The following NETO2 variants were observed in gnomAD, a reference collection of about 807,000 sequenced individuals.
NETO2 encodes the protein neuropilin and tolloid-like protein 2.
Under a neutral mutation model 62.5 loss-of-function variants are expected in NETO2, and 28 were observed. The ratio of observed to expected loss-of-function variants is 0.45; its 90% CI spans 0.33 to 0.61. The LOEUF (loss-of-function observed/expected upper bound fraction) is 0.61, where lower values mean the gene tolerates loss of function less well. Among genes scored for constraint, NETO2 ranks in the 20% least tolerant of loss-of-function variants. The pLI is 0.02. For synonymous variants in NETO2, 214 were observed against 219.1 expected (o/e 0.98, Z 0.21); for missense variants, 548 against 643.2 (o/e 0.85, Z 1.60).
chr16:47,095,990 T>A (rs1350305092), intron 7 of NETO2, among the ~76,000 whole-genome samples: 1 of 152,084 alleles, frequency 6.6e-6, no homozygotes, highest in South Asian at 2.1e-4. Flanking sequence ...AAACTAGATA[T>A]CAACAACTGA....
In NETO2 at chr16:47,143,585, G is replaced by A. The variant is rs948871505; in HGVS notation, c.28C>T (p.Leu10Phe). 4.9e-6 allele frequency: 6 copies of A among 1,223,132 alleles called. No individual in the cohort carries two copies. In the African/African-American group the frequency reaches 9.4e-5, roughly 19 times the overall value. The allele number at this position is 1,223,132 out of a possible 1,614,324, so 75.8% of individuals were successfully genotyped here. MALERLCSV[L>F]KVLLITVLVV... ...CCCCAGCCCCGGTCCTTACCTTTGA[G>A]GACCGAGCAGAGCCGCTCCAGGGCC... The change falls in exon 1 of 9, where the codon CTC (leucine) becomes TTC (phenylalanine). Residue 10 changes from leucine (L) to phenylalanine (F), a missense_variant. By Grantham distance (22) the Leu-to-Phe change is conservative. Transcript: ENST00000562435.
intron 7 of NETO2, among the ~76,000 whole-genome samples, chr16:47,094,793 A>G (rs1963395601): frequency 1.3e-5 from 2 of 152,130 alleles, no homozygotes; most frequent in South Asian, 4.1e-4. Context: ...ATCTTAGCTC[A>G]CTCCAACCTC....
Position 47,109,349 on chromosome 16 carries a change from G to C in NETO2, c.883+134C>G. 7 of 410,408 alleles carry C rather than the reference G, an allele frequency of 1.7e-5. 1 individual carries two copies. The allele number at this position is 410,408 out of a possible 1,614,324, so 25.4% of individuals were successfully genotyped here. ...TATTTTAAATTTAAATAATATTCTT[G>C]CATTAAAAAGAGCTGTAGTAAAACA... is the stretch of plus-strand genomic sequence containing the variant. On this transcript the variant is annotated intron_variant, in intron 7 of 8. Transcript: ENST00000562435.
chr16:47,129,411 T>G, intron 2 of NETO2, 47 bp from the exon 3 acceptor site: 1 of 1,573,728 alleles, frequency 6.4e-7, no homozygotes, highest in Non-Finnish European at 8.7e-7. Flanking sequence ...CAAAAGAGAA[T>G]CATTCTTCTC....
intron 1 of NETO2, among the ~76,000 whole-genome samples, chr16:47,142,399 T>A (rs971263805): frequency 2.6e-5 from 4 of 152,048 alleles, no homozygotes; most frequent in African/African-American, 7.2e-5. Context: ...ATGTGGAGAG[T>A]AGACAATGTG....
At chr16:47,098,572 A>G (rs746208968) in intron 7 of NETO2, among the ~76,000 whole-genome samples, 1 of 152,130 alleles carries the variant, frequency 6.6e-6, no homozygotes, top group African/African-American at 2.4e-5. Flanking sequence ...TGAAAGTGAC[A>G]GGGAGAATGG....
intron 1 of NETO2, among the ~76,000 whole-genome samples, chr16:47,142,038 A>C (rs1964470633): frequency 6.6e-6 from 1 of 152,256 alleles, no homozygotes; most frequent in African/African-American, 2.4e-5. Context: ...ATGCACGGTC[A>C]GTAGCATGCT....
At chr16:47,108,123 T>C (rs532934558) in intron 7 of NETO2, among the ~76,000 whole-genome samples, 60 of 152,140 alleles carry the variant, frequency 3.9e-4, no homozygotes, top group Non-Finnish European at 1.8e-4. Context: ...AAATAAAATA[T>C]CCATGAGCCC....
intron 4 of NETO2, 108 bp downstream of exon 4, chr16:47,128,217 T>A: frequency 7.3e-7 from 1 of 1,376,326 alleles, no homozygotes; most frequent in Non-Finnish European, 9.8e-7. Context: ...TTGTTTAAAA[T>A]CTTGATTTGA....
In NETO2 at chr16:47,088,482, T is replaced by C. The variant is rs1470062324; in HGVS notation, c.884-2143A>G. 2.6e-5 allele frequency among the ~76,000 whole-genome samples: 4 copies of C among 152,238 alleles called. No homozygotes were observed. In the East Asian group the frequency reaches 7.7e-4, roughly 29 times the overall value. ...TTCCTGCCTAAAAGATTCTGTACTT[T>C]TGATTTTCAGAAAATATTTGCTGCA... On this transcript the variant is annotated intron_variant, in intron 7 of 8. Transcript: ENST00000562435.
chr16:47,103,638 A>C (rs1434395316), intron 7 of NETO2, among the ~76,000 whole-genome samples: 1 of 152,150 alleles, frequency 6.6e-6, no homozygotes, highest in Non-Finnish European at 1.5e-5. Context: ...AATCCTCAAG[A>C]AAATTATTAC....
In NETO2 at chr16:47,083,056, T is replaced by C. The variant is rs1041888428; in HGVS notation, c.*165A>G. 8.1e-6 allele frequency: 5 copies of C among 618,864 alleles called. No homozygotes were observed. Among genetic ancestry groups the C allele is most frequent in the Admixed American group, 6.0e-5 (2 of 33,104 alleles). 38.3% of individuals were successfully genotyped at this position (618,864 alleles called of 1,614,324 possible). The stretch of plus-strand genomic sequence containing the variant: ...AGTTCCTTGATTGGTTTAACATATA[T>C]AGACTGCCTGAGAGAATAAAAACAT... On this transcript the variant is annotated 3_prime_UTR_variant, in exon 9 of 9. Transcript: ENST00000562435.
chr16:47,113,410 T>C, intron 6 of NETO2, among the ~76,000 whole-genome samples: 1 of 152,136 alleles, frequency 6.6e-6, no homozygotes, highest in African/African-American at 2.4e-5. Flanking sequence ...ATCTGTTCTT[T>C]GTCCTACAGT....
intron 7 of NETO2, among the ~76,000 whole-genome samples, chr16:47,107,535 ATAAT>A: frequency 6.6e-6 from 1 of 152,318 alleles, no homozygotes; most frequent in South Asian, 2.1e-4. Flanking sequence ...TCCATTTCAG[ATAAT>A]TAGTCAGGTT....
intron 2 of NETO2, among the ~76,000 whole-genome samples, chr16:47,131,019 C>A (rs897756120): frequency 6.7e-6 from 1 of 150,232 alleles, no homozygotes; most frequent in Non-Finnish European, 1.5e-5. Context: ...TAATAGAATT[C>A]CTGAAAAGGC....
At chr16:47,116,322 T>C (rs913922085) in intron 6 of NETO2, among the ~76,000 whole-genome samples, 1 of 152,126 alleles carries the variant, frequency 6.6e-6, no homozygotes, top group African/African-American at 2.4e-5. Flanking sequence ...TTCTTCAGGT[T>C]ATGGAAGTCT....
chr16:47,108,690 C>G (rs1350548612), intron 7 of NETO2, among the ~76,000 whole-genome samples: 1 of 152,126 alleles, frequency 6.6e-6, no homozygotes, highest in Non-Finnish European at 1.5e-5. Flanking sequence ...CAACTAAAAG[C>G]AATGTGGGAA....
chr16:47,131,755 T>C (rs1964270343), intron 2 of NETO2, among the ~76,000 whole-genome samples: 1 of 152,214 alleles, frequency 6.6e-6, no homozygotes, highest in Admixed American at 6.5e-5. Flanking sequence ...GTGATGTCAA[T>C]TTTAAAAATT....
intron 6 of NETO2, among the ~76,000 whole-genome samples, chr16:47,111,691 TG>T (rs1380815977): frequency 6.6e-6 from 1 of 152,186 alleles, no homozygotes; most frequent in Admixed American, 6.5e-5. Context: ...TCATAGGAAG[TG>T]GGACTGGGTA....
Sources: allele counts gnomAD v4.1 joint callset (sites outside exome capture counted in the v4.1 genomes callset), GRCh38; gene constraint gnomAD v4.1.1; transcripts MANE v1.5; gene names NCBI Gene and HGNC (gene_info 2026-07-23, HGNC 2026-07-21).